NUDT3: variants seen among roughly 807,000 people sequenced by gnomAD.
NUDT3 encodes nudix hydrolase 3.
A neutral mutation model predicts 23.6 loss-of-function variants in NUDT3; 9 were observed. That is an observed-to-expected ratio of 0.38 (90% CI 0.23 to 0.66). NUDT3 has a LOEUF of 0.66. Ranked by LOEUF, NUDT3 falls within the 30% of genes least tolerant of loss-of-function variation. The probability of loss-of-function intolerance (pLI) is 0.52; values close to 1 mark genes in which losing one functional copy is unlikely to be tolerated. For missense variants in NUDT3, 172 were observed against 218.5 expected, an observed-to-expected ratio of 0.79 and a Z score of 1.34; for synonymous variants, 86 against 82.6, an observed-to-expected ratio of 1.04 and a Z score of -0.22.
intron 1 of NUDT3, among the ~76,000 whole-genome samples, chr6:34,359,371 A>T (rs1257269845): frequency 6.6e-6 from 1 of 152,088 alleles, no homozygotes; most frequent in Non-Finnish European, 1.5e-5. Flanking sequence ...AAGACTGCCT[A>T]AAAAAACAAA....
At position 34,284,240 on chromosome 6, in the gene NUDT3, CTTGAG is replaced by C. The variant is rs1197031639; in HGVS notation, c.*4508_*4512del. The C allele has an allele frequency of 2.6e-5, 4 of 152,164 alleles. No individual in the cohort carries two copies. The highest frequency in any genetic ancestry group is 2.1e-4 in the South Asian group (1 of 4,832). The allele number at this position is 152,164 out of a possible 1,614,324, so 9.4% of individuals were successfully genotyped here. ...ATAATCTCCTCCCTCCCCATAGCTG[CTTGAG>C]TTAACTGTCCCACAAGTGTCCTGTG... On this transcript the variant is annotated 3_prime_UTR_variant, in exon 5 of 5. Coordinates refer to ENST00000607016, the MANE Select transcript of NUDT3 (RefSeq NM_006703.4).
intron 4 of NUDT3, among the ~76,000 whole-genome samples, chr6:34,289,549 G>C (rs1244680898): frequency 6.6e-6 from 1 of 152,212 alleles, no homozygotes; most frequent in Non-Finnish European, 1.5e-5. Flanking sequence ...CAGGGTGACA[G>C]AGTGAGACCC....
At chr6:34,297,754 TATATAA>T (rs1337933207) in intron 2 of NUDT3, among the ~76,000 whole-genome samples, 64 of 97,636 alleles carry the variant, frequency 6.6e-4, no homozygotes, top group South Asian at 3.9e-3. Context: ...TATATATATA[TATATAA>T]TTTTTTTTTT....
intron 4 of NUDT3, among the ~76,000 whole-genome samples, chr6:34,289,939 T>C (rs1204126515): frequency 6.6e-6 from 1 of 152,166 alleles, no homozygotes; most frequent in Non-Finnish European, 1.5e-5. Flanking sequence ...GTACTCTGAA[T>C]CCTGACCAGC....
In NUDT3 at chr6:34,347,507, A is replaced by G. The variant is rs466031; in HGVS notation, c.100-5535T>C. On this transcript the variant is annotated intron_variant, in intron 1 of 4. Coordinates refer to ENST00000607016, the MANE Select transcript of NUDT3 (RefSeq NM_006703.4). Reference sequence around the variant, plus strand: ...CTCTGCAGAGCAGGCAGAAATCAACAGGTGGTGCAGTGACAACTTGTTTTC... The same window carrying G: ...CTCTGCAGAGCAGGCAGAAATCAACGGGTGGTGCAGTGACAACTTGTTTTC... 2.0e-3 allele frequency among the ~76,000 whole-genome samples: 310 copies of G among 152,344 alleles called. 1 individual carries two copies. Among genetic ancestry groups the G allele is most frequent in the African/African-American group, 7.0e-3 (293 of 41,592 alleles).
At chr6:34,383,540 T>A (rs1297272647) in intron 1 of NUDT3, among the ~76,000 whole-genome samples, 1 of 152,170 alleles carries the variant, frequency 6.6e-6, no homozygotes, top group Non-Finnish European at 1.5e-5. Flanking sequence ...TATTTATCCA[T>A]GTATTCCCAA....
At chr6:34,318,705 C>A (rs1763896393) in intron 2 of NUDT3, among the ~76,000 whole-genome samples, 1 of 151,860 alleles carries the variant, frequency 6.6e-6, no homozygotes. Flanking sequence ...TGTGATGAAC[C>A]TCTTGTACAT....
chr6:34,300,152 G>GGCA (rs1407030781), intron 2 of NUDT3, among the ~76,000 whole-genome samples: 1 of 152,086 alleles, frequency 6.6e-6, no homozygotes, highest in Non-Finnish European at 1.5e-5. Flanking sequence ...CTTGCTCTGT[G>GGCA]GCAGTCTCCC....
rs1447186542 is a variant in NUDT3, at chr6:34,281,606, T to C, written c.*7147A>G. ...TTACAAAACTGTACTACATACTTAT[T>C]TCTTTTACAGTAGAGCTGACCAATT... is the stretch of plus-strand genomic sequence containing the variant. On this transcript the variant is annotated 3_prime_UTR_variant, in exon 5 of 5. Transcript: ENST00000607016. The C allele has an allele frequency of 6.6e-6, 1 of 152,278 alleles. No homozygotes were observed. The highest frequency in any genetic ancestry group is 2.1e-4 in the South Asian group (1 of 4,838). 9.4% of individuals were successfully genotyped at this position (152,278 alleles called of 1,614,324 possible). A position where few individuals can be genotyped will look rare whatever the true frequency, so the allele number is the denominator to read the frequency against.
chr6:34,392,480 A>G lies in NUDT3; in HGVS notation c.-118T>C, dbSNP rs1229358083. On this transcript the variant is annotated 5_prime_UTR_variant, in exon 1 of 5. Coordinates refer to ENST00000607016, the MANE Select transcript of NUDT3 (RefSeq NM_006703.4). ...TCGGCCAAGGGAAGCAGGGAGGGGGAGCTTCTCCGCTACACGGCTCCGCCG... is the reference window on the plus strand; with the variant it reads ...TCGGCCAAGGGAAGCAGGGAGGGGGGGCTTCTCCGCTACACGGCTCCGCCG... 3.1e-3 allele frequency: 1,982 copies of G among 640,518 alleles called. 46 individuals carry two copies. Among genetic ancestry groups the G allele is most frequent in the Non-Finnish European group, 2.8e-4 (105 of 380,032 alleles). 39.7% of individuals were successfully genotyped at this position (640,518 alleles called of 1,614,324 possible).
intron 1 of NUDT3, among the ~76,000 whole-genome samples, chr6:34,347,183 A>G (rs1764385206): frequency 6.6e-6 from 1 of 152,238 alleles, no homozygotes; most frequent in African/African-American, 2.4e-5. Context: ...ATATACAATT[A>G]TCTGAAAAGA....
At chr6:34,306,439 T>C (rs748693797) in intron 2 of NUDT3, among the ~76,000 whole-genome samples, 4 of 152,126 alleles carry the variant, frequency 2.6e-5, no homozygotes, top group Non-Finnish European at 5.9e-5. Flanking sequence ...GAGGCAAGGG[T>C]TGCATTTAGT....
intron 1 of NUDT3, among the ~76,000 whole-genome samples, chr6:34,363,304 G>C (rs945485090): frequency 5.3e-5 from 8 of 152,112 alleles, no homozygotes; most frequent in Admixed American, 3.9e-4. Flanking sequence ...AGATTACCTG[G>C]GTTCCTTTGC....
intron 2 of NUDT3, among the ~76,000 whole-genome samples, chr6:34,324,115 G>A (rs1763987097): frequency 6.6e-6 from 1 of 152,132 alleles, no homozygotes; most frequent in African/African-American, 2.4e-5. Context: ...AGTATTTTGG[G>A]AGGTGGAGGT....
chr6:34,289,425 G>T (rs1214427920), intron 4 of NUDT3, among the ~76,000 whole-genome samples: 3 of 152,154 alleles, frequency 2.0e-5, no homozygotes, highest in Middle Eastern at 6.3e-3. Flanking sequence ...AAATTAGCTG[G>T]GCATGGTAGC....
At chr6:34,365,177 C>T (rs1160639351) in intron 1 of NUDT3, among the ~76,000 whole-genome samples, 1 of 152,148 alleles carries the variant, frequency 6.6e-6, no homozygotes, top group Non-Finnish European at 1.5e-5. Context: ...CACCTGTAAT[C>T]CCAGCACTTT....
intron 2 of NUDT3, among the ~76,000 whole-genome samples, chr6:34,340,879 T>C (rs1764277771): frequency 6.6e-6 from 1 of 152,176 alleles, no homozygotes; most frequent in African/African-American, 2.4e-5. Flanking sequence ...CATAAGCCAA[T>C]GTAAGTGTAG....
At chr6:34,376,007 T>C (rs1257862541) in intron 1 of NUDT3, among the ~76,000 whole-genome samples, 1 of 152,152 alleles carries the variant, frequency 6.6e-6, no homozygotes, top group East Asian at 1.9e-4. Flanking sequence ...TAACTTTCTA[T>C]TCTCCCTCTC....
chr6:34,378,944 C>G (rs1354833640), intron 1 of NUDT3, among the ~76,000 whole-genome samples: 2 of 152,178 alleles, frequency 1.3e-5, no homozygotes, highest in Non-Finnish European at 2.9e-5. Flanking sequence ...CCATCCCTGG[C>G]CTCTTCTGCC....
Sources: allele counts gnomAD v4.1 joint callset (sites outside exome capture counted in the v4.1 genomes callset), GRCh38; gene constraint gnomAD v4.1.1; transcripts MANE v1.5; gene names NCBI Gene and HGNC (gene_info 2026-07-23, HGNC 2026-07-21).